Variants in PPP6R2 observed in about 807,000 individuals in gnomAD.
PPP6R2 encodes serine/threonine-protein phosphatase 6 regulatory subunit 2.
Under a neutral mutation model 100.2 loss-of-function variants are expected in PPP6R2, and 62 were observed. The ratio of observed to expected loss-of-function variants is 0.62; its 90% CI spans 0.50 to 0.76. PPP6R2 has a LOEUF of 0.76. PPP6R2 is among the 30% of genes least tolerant of loss of function. The pLI is 0.00. For synonymous variants in PPP6R2, 525 were observed against 514.7 expected (o/e 1.02, Z -0.27); for missense variants, 1,142 against 1,276.3 (o/e 0.89, Z 1.60).
chr22:50,438,739 C>T lies in PPP6R2; in HGVS notation c.2105C>T (p.Pro702Leu), dbSNP rs1254462579. The T allele has an allele frequency of 1.2e-6, 2 of 1,601,874 alleles. No individual in the cohort carries two copies. The highest frequency in any genetic ancestry group is 2.3e-5 in the East Asian group (1 of 44,086). Residue 702 changes from proline (P) to leucine (L), a missense_variant, in exon 19 of 24, where the codon CCC (proline) becomes CTC (leucine). Around this residue, in one of 2 missense-constraint regions of PPP6R2, gnomAD observed 550 missense variants for 517.4 expected, o/e 1.06. Coordinates refer to ENST00000612753, the MANE Select transcript of PPP6R2 (RefSeq NM_001242898.2). The stretch of plus-strand genomic sequence containing the variant: ...CCGGCCCCCGGGAAGAAGGAAGCGC[C>T]CCCTGTGGAGGGTGACTCAGAAGGT... ...APPAPGKKEA[P>L]PVEGDSEGAM...
intron 4 of PPP6R2, among the ~76,000 whole-genome samples, chr22:50,410,469 C>CTTTTTTT (rs200178930): frequency 7.7e-5 from 8 of 103,338 alleles, no homozygotes; most frequent in East Asian, 2.2e-4. Flanking sequence ...TGAGTGGTGT[C>CTTTTTTT]TTTTTTTTTT....
the PPP6R2 span, among the ~76,000 whole-genome samples, chr22:50,337,855 G>A: frequency 1.4e-5 from 2 of 140,210 alleles, no homozygotes. Context: ...GTGGTGTGTT[G>A]GTGTGTCTGT....
chr22:50,428,018 C>G (rs2062508167), intron 10 of PPP6R2, among the ~76,000 whole-genome samples: 1 of 151,240 alleles, frequency 6.6e-6, no homozygotes, highest in African/African-American at 2.4e-5. Flanking sequence ...CCACGCCCAG[C>G]CAATTTTTAT....
rs2042635214 is a variant in PPP6R2, at chr22:50,343,352, G to C, written c.-346G>C. 6.6e-6 allele frequency: 1 copy of C among 150,820 alleles called. No homozygotes were observed. The highest frequency in any genetic ancestry group is 2.4e-5 in the African/African-American group (1 of 41,206). 9.3% of individuals were successfully genotyped at this position (150,820 alleles called of 1,614,324 possible). A position where few individuals can be genotyped will look rare whatever the true frequency, so the allele number is the denominator to read the frequency against. On this transcript the variant is annotated 5_prime_UTR_variant, in exon 1 of 24. Coordinates refer to ENST00000612753, the MANE Select transcript of PPP6R2 (RefSeq NM_001242898.2). ...GCCGCCATTTTGGAGCGATCGGAGT[G>C]CCGCCCGCGGCCCCGAGTCGGTCTC...
the PPP6R2 span, among the ~76,000 whole-genome samples, chr22:50,335,199 C>A: frequency 2.0e-5 from 3 of 150,052 alleles, no homozygotes; most frequent in East Asian, 6.2e-4. Flanking sequence ...CTACAGGTGC[C>A]CGCCACAACA....
intron 3 of PPP6R2, among the ~76,000 whole-genome samples, chr22:50,395,429 C>T (rs2056581805): frequency 6.6e-6 from 1 of 152,166 alleles, no homozygotes; most frequent in Non-Finnish European, 1.5e-5. Context: ...ATCTGCGAGG[C>T]ACACATGACC....
the PPP6R2 span, among the ~76,000 whole-genome samples, chr22:50,332,058 C>A: frequency 3.9e-5 from 6 of 152,074 alleles, no homozygotes; most frequent in Admixed American, 1.3e-4. Flanking sequence ...TGCCACCACA[C>A]CCAGGTATCT....
intron 4 of PPP6R2, among the ~76,000 whole-genome samples, chr22:50,410,958 A>G (rs2059669730): frequency 6.6e-6 from 1 of 151,930 alleles, no homozygotes; most frequent in East Asian, 1.9e-4. Context: ...TGACCCGCTA[A>G]TTTTTGTATT....
intron 1 of PPP6R2, among the ~76,000 whole-genome samples, chr22:50,351,072 C>T (rs1463096293): frequency 2.9e-5 from 3 of 103,098 alleles, no homozygotes; most frequent in South Asian, 3.8e-4. Context: ...CAGAGTTTCA[C>T]TCTTGTTGCC....
chr22:50,335,698 T>G, the PPP6R2 span, among the ~76,000 whole-genome samples: 1 of 136,420 alleles, frequency 7.3e-6, no homozygotes, highest in Admixed American at 7.4e-5. Flanking sequence ...TTTTTTGAGA[T>G]GGAGTCTCGC....
At chr22:50,368,778 A>G (rs1386552264) in intron 1 of PPP6R2, among the ~76,000 whole-genome samples, 6 of 151,972 alleles carry the variant, frequency 3.9e-5, no homozygotes, top group East Asian at 3.9e-4. Context: ...TCCCACTTCA[A>G]TCCTGAGTAG....
chr22:50,441,498 C>T (rs2065608450), intron 22 of PPP6R2, among the ~76,000 whole-genome samples: 1 of 152,176 alleles, frequency 6.6e-6, no homozygotes. Context: ...CTCACGCAGA[C>T]CTCGCCTGCT....
chr22:50,371,635 A>G lies in PPP6R2; in HGVS notation c.-147-385A>G, dbSNP rs181559035. On this transcript the variant is annotated intron_variant, in intron 1 of 23. Transcript: ENST00000612753. ...TGCTGTTCCATTGCTTTATTTTTAA[A>G]ATTTTGTAATTGCTTTTTTTTGAGA... 2.7e-5 allele frequency among the ~76,000 whole-genome samples: 4 copies of G among 147,350 alleles called. No homozygotes were observed. In the East Asian group the frequency reaches 7.8e-4, roughly 29 times the overall value.
In PPP6R2 at chr22:50,432,314, C is replaced by G; in HGVS notation, c.1385C>G (p.Ala462Gly). The part of the protein sequence containing the change: ...LVQRILEAWE[A>G]NDHTQAAGGM... ...CAGAGGATCCTGGAGGCCTGGGAAG[C>G]CAACGACCACACGCAGTAAGAGCCG... is the stretch of plus-strand genomic sequence containing the variant. Residue 462 changes from alanine (A) to glycine (G), a missense_variant, in exon 12 of 24, where the codon GCC becomes GGC. Ala to Gly is a moderately conservative substitution (Grantham distance 60). Around this residue, in one of 2 missense-constraint regions of PPP6R2, gnomAD observed 592 missense variants for 758.9 expected, o/e 0.78. Coordinates refer to ENST00000612753, the MANE Select transcript of PPP6R2 (RefSeq NM_001242898.2). 1 of 1,549,456 alleles carries G rather than the reference C, an allele frequency of 6.5e-7. No homozygotes were observed. The highest frequency in any genetic ancestry group is 8.7e-7 in the Non-Finnish European group (1 of 1,147,058).
At chr22:50,432,108 A>G (rs2063258534) in intron 11 of PPP6R2, among the ~76,000 whole-genome samples, 157 bp from the exon 12 acceptor site, 1 of 152,100 alleles carries the variant, frequency 6.6e-6, no homozygotes, top group African/African-American at 2.4e-5. Flanking sequence ...TTTGGTGAGG[A>G]CCGCGGAGGC....
chr22:50,363,224 G>A (rs1251268131), intron 1 of PPP6R2, among the ~76,000 whole-genome samples: 1 of 152,178 alleles, frequency 6.6e-6, no homozygotes, highest in Non-Finnish European at 1.5e-5. Context: ...TTGTGCTGCA[G>A]CCTTCACTCT....
intron 2 of PPP6R2, among the ~76,000 whole-genome samples, chr22:50,375,518 G>A (rs2051304144): frequency 2.0e-5 from 3 of 152,114 alleles, no homozygotes; most frequent in South Asian, 2.1e-4. Flanking sequence ...ATGGAACTCT[G>A]AAGGGCTCTA....
intron 1 of PPP6R2, among the ~76,000 whole-genome samples, chr22:50,357,642 T>C (rs1199038793): frequency 6.6e-6 from 1 of 151,278 alleles, no homozygotes; most frequent in Admixed American, 6.6e-5. Flanking sequence ...TTTTTTCTTT[T>C]TTTGAGATGG....
chr22:50,438,129 T>TC, intron 17 of PPP6R2, 45 bp from the exon 18 acceptor site: 1 of 1,578,690 alleles, frequency 6.3e-7, no homozygotes, highest in Non-Finnish European at 8.6e-7. Context: ...GGCTCCTGTC[T>TC]CCCCCAGACC....
Sources: allele counts gnomAD v4.1 joint callset (sites outside exome capture counted in the v4.1 genomes callset), GRCh38; gene constraint gnomAD v4.1.1; regional missense constraint gnomAD v4.1.1; transcripts MANE v1.5; gene names NCBI Gene and HGNC (gene_info 2026-07-23, HGNC 2026-07-21).